TRADD: variants seen among roughly 807,000 people sequenced by gnomAD.
TRADD encodes the protein tumor necrosis factor receptor type 1-associated DEATH domain protein.
TRADD carries 14 observed loss-of-function variants against 31.5 expected under a neutral mutation model. The ratio of observed to expected loss-of-function variants is 0.44; its 90% confidence interval spans 0.29 to 0.69. The LOEUF is 0.69. Among genes scored for constraint, TRADD ranks in the 30% least tolerant of loss-of-function variants. The pLI is 0.11. For missense variants in TRADD, 388 were observed against 435.7 expected (o/e 0.89, Z 0.97); for synonymous variants, 220 against 215.8 (o/e 1.02, Z -0.17).
Position 67,155,410 on chromosome 16 carries a change from C to G in TRADD, c.396G>C (p.Glu132Asp). 6.3e-7 allele frequency: 1 copy of G among 1,598,262 alleles called. No individual in the cohort carries two copies. The highest frequency in any genetic ancestry group is 8.5e-7 in the Non-Finnish European group (1 of 1,179,574). Residue 132 changes from glutamate (E) to aspartate (D), a missense_variant, in exon 3 of 5, where the codon GAG becomes GAC. Transcript: ENST00000345057. ...AERLDALLAD[E>D]ERCLSCILAQ... is the part of the protein sequence containing the mutation. ...CTAGGATGCAACTCAAACAGCGCTCCTCGTCCGCCAGCAAAGCGTCCAGCC... is the reference window on the plus strand; with the variant it reads ...CTAGGATGCAACTCAAACAGCGCTCGTCGTCCGCCAGCAAAGCGTCCAGCC...
Position 67,155,133 on chromosome 16 carries a change from T to TGGCGGCGGC in TRADD, c.582_590dup (p.Pro196_Pro198dup). 1 of 1,544,872 alleles carries TGGCGGCGGC rather than the reference T, an allele frequency of 6.5e-7. No individual in the cohort carries two copies. The highest frequency in any genetic ancestry group is 8.7e-7 in the Non-Finnish European group (1 of 1,148,494). On this transcript the variant is annotated inframe_insertion, in exon 4 of 5. Transcript: ENST00000345057. Reference sequence around the variant, plus strand: ...CCTGGAACAGAAAAGTCTGGGCAGGTGGCGGCGGCGGCGGCGGCTTCACCT... The same window carrying TGGCGGCGGC: ...CCTGGAACAGAAAAGTCTGGGCAGGTGGCGGCGGCGGCGGCGGCGGCGGCGGCTTCACCT...
chr16:67,158,128 G>A lies in TRADD; in HGVS notation c.-8-1460C>T, dbSNP rs1419877596. Among the ~76,000 whole-genome samples, 10 of 152,192 alleles carry A rather than the reference G, an allele frequency of 6.6e-5. No homozygotes were observed. The East Asian group carries it at 1.2e-3, about 18-fold the overall frequency. On this transcript the variant is annotated intron_variant, in intron 1 of 4. Coordinates refer to ENST00000345057, the MANE Select transcript of TRADD (RefSeq NM_003789.4). ...CTGCCCTGGCCTCCCAAAGTGCTGCGATTACAGGAGTAAGGCACTACTCTC... is the reference window on the plus strand; with the variant it reads ...CTGCCCTGGCCTCCCAAAGTGCTGCAATTACAGGAGTAAGGCACTACTCTC...
rs779360488 is a variant in TRADD at position 67,154,614 on chromosome 16, A to G, written c.*35T>C. The G allele has an allele frequency of 1.2e-6, 2 of 1,604,222 alleles. No individual in the cohort carries two copies. Among genetic ancestry groups the G allele is most frequent in the Admixed American group, 3.4e-5 (2 of 59,058 alleles). ...TAGCCGCAGAAGGAACCCTAAGGCC[A>G]TCCAGGTTCTCCAAAAGCTGGCTGC... On this transcript the variant is annotated 3_prime_UTR_variant, in exon 5 of 5. Coordinates refer to ENST00000345057, the MANE Select transcript of TRADD (RefSeq NM_003789.4). This position sits in a 1 kb window ranked among gnomAD's most constrained non-coding sequence, Gnocchi z 5.2.
rs935626544 is a variant in TRADD at position 67,159,693 on chromosome 16, T to C, written c.-9+145A>G. On this transcript the variant is annotated intron_variant, in intron 1 of 4. Coordinates refer to ENST00000345057, the MANE Select transcript of TRADD (RefSeq NM_003789.4). This position sits in a 1 kb window ranked among gnomAD's most constrained non-coding sequence, Gnocchi z 6.8. ...CCGTACCGTCCCCCGCCTCCCACGG[T>C]GTTCGAACAGCTCAGTAGACCGCCG... 1.3e-5 allele frequency: 2 copies of C among 152,208 alleles called. No homozygotes were observed. Among genetic ancestry groups the C allele is most frequent in the Admixed American group, 1.3e-4 (2 of 15,286 alleles). 9.4% of individuals were successfully genotyped at this position (152,208 alleles called of 1,614,324 possible).
chr16:67,155,178 G>A lies in TRADD; in HGVS notation c.546C>T (p.Pro182=). The A allele has an allele frequency of 1.3e-6, 2 of 1,565,114 alleles. No individual in the cohort carries two copies. Among genetic ancestry groups the A allele is most frequent in the Non-Finnish European group, 1.7e-6 (2 of 1,157,934 alleles). ...TCACCTCCGACAGAGAGGGCACCGG[G>A]GGCTGCAAGGGGGCCGAAGCGACCT... ...DGEVASAPLQ[P]PVPSLSEVKP... The change falls in exon 4 of 5, where the codon CCC becomes CCT. Residue 182 remains proline (P), a synonymous_variant. Coordinates refer to ENST00000345057, the MANE Select transcript of TRADD (RefSeq NM_003789.4).
Position 67,154,527 on chromosome 16 carries a change from C to A in TRADD, c.*122G>T, listed in dbSNP as rs2030579055. On this transcript the variant is annotated 3_prime_UTR_variant, in exon 5 of 5. Coordinates refer to ENST00000345057, the MANE Select transcript of TRADD (RefSeq NM_003789.4). The surrounding 1 kb of genome is among the most constrained non-coding windows in gnomAD (Gnocchi z 5.2). ...GGGAAGGCAATCAACTCTGCCCCAG[C>A]AGGTCCAGCAGATAGGCCAAGTGGA... The A allele has an allele frequency of 4.0e-6, 5 of 1,238,360 alleles. No individual in the cohort carries two copies. In the South Asian group the frequency reaches 5.3e-5, roughly 13 times the overall value. The allele number at this position is 1,238,360 out of a possible 1,614,324, so 76.7% of individuals were successfully genotyped here.
At chr16:67,155,828 C>A in intron 2 of TRADD, 174 bp from the exon 3 acceptor site, 1 of 1,475,068 alleles carries the variant, frequency 6.8e-7, no homozygotes, top group Non-Finnish European at 9.0e-7. Flanking sequence ...CAGCAATAAC[C>A]CAGAAAGAAG....
chr16:67,157,657 C>T, intron 1 of TRADD, among the ~76,000 whole-genome samples: 1 of 152,142 alleles, frequency 6.6e-6, no homozygotes. Context: ...GTTATAAAGC[C>T]CTTGGAGTTC....
intron 2 of TRADD, chr16:67,155,871 AGAGTGGGTGCCACCTAAC>A (rs2030673886): frequency 5.3e-6 from 8 of 1,517,968 alleles, no homozygotes; most frequent in Non-Finnish European, 7.0e-6. Flanking sequence ...ACCCTAAGAC[AGAGTGGGTGCCACCTAAC>A]CCCCGCTCTC....
chr16:67,157,362 T>A (rs1394423133), intron 1 of TRADD, among the ~76,000 whole-genome samples: 1 of 152,060 alleles, frequency 6.6e-6, no homozygotes, highest in Non-Finnish European at 1.5e-5. Context: ...CAGGGCGGGG[T>A]ATAGGACTTA....
At chr16:67,155,969 A>C (rs1411214242) in intron 2 of TRADD, 2 of 1,444,510 alleles carry the variant, frequency 1.4e-6, no homozygotes, top group Non-Finnish European at 1.8e-6. Flanking sequence ...TGCCCTGGGC[A>C]AACAAGCCGT....
Position 67,154,427 on chromosome 16 carries a change from C to G in TRADD, c.*222G>C. ...GGTGAGGCTGATCTCCAAAGCAGGT[C>G]CCCCCCACCCCACACTCTATCAAAG... On this transcript the variant is annotated 3_prime_UTR_variant, in exon 5 of 5. Coordinates refer to ENST00000345057, the MANE Select transcript of TRADD (RefSeq NM_003789.4). The surrounding 1 kb of genome is among the most constrained non-coding windows in gnomAD (Gnocchi z 5.2). The G allele has an allele frequency of 1.6e-6, 1 of 610,902 alleles. No homozygotes were observed. Among genetic ancestry groups the G allele is most frequent in the South Asian group, 2.0e-5 (1 of 50,708 alleles). 37.8% of individuals were successfully genotyped at this position (610,902 alleles called of 1,614,324 possible). A position where few individuals can be genotyped will look rare whatever the true frequency, so the allele number is the denominator to read the frequency against.
chr16:67,158,921 A>G (rs2030797604), intron 1 of TRADD, among the ~76,000 whole-genome samples: 1 of 151,856 alleles, frequency 6.6e-6, no homozygotes, highest in Non-Finnish European at 1.5e-5. Context: ...AAGGGGTGGA[A>G]GTGGGGACCG....
At position 67,155,091 on chromosome 16, in the gene TRADD, C is replaced by A. The variant is rs1332999277; in HGVS notation, c.628+5G>T. 6.5e-7 allele frequency: 1 copy of A among 1,544,702 alleles called. No homozygotes were observed. The highest frequency in any genetic ancestry group is 1.2e-5 in the South Asian group (1 of 84,316). On this transcript the variant is annotated splice_donor_5th_base_variant and intron_variant, in intron 4 of 4. Transcript: ENST00000345057. ...GGTGACCCCGCCTCTCCACCTGCGC[C>A]TCACCTACAGGCTGACCCTGGAACA...
At position 67,154,661 on chromosome 16, in the gene TRADD, G is replaced by T. The variant is rs772771985; in HGVS notation, c.927C>A (p.Gly309=). ...EDLLGLTDPN[G]GLA is the part of the protein sequence containing the mutation. ...CTGCACCCCTGGTCTAGGCCAGGCC[G>T]CCATTGGGATCGGTCAGGCCCAGCA... is the stretch of plus-strand genomic sequence containing the variant. The change falls in exon 5 of 5, where the codon GGC becomes GGA. Residue 309 remains glycine (G), a synonymous_variant. Coordinates refer to ENST00000345057, the MANE Select transcript of TRADD (RefSeq NM_003789.4). This position sits in a 1 kb window ranked among gnomAD's most constrained non-coding sequence, Gnocchi z 5.2. 5.0e-6 allele frequency: 8 copies of T among 1,612,590 alleles called. No homozygotes were observed. Among genetic ancestry groups the T allele is most frequent in the Non-Finnish European group, 6.8e-6 (8 of 1,179,872 alleles).
rs13312728 is a variant in TRADD at position 67,154,286 on chromosome 16, T to A, written c.*363A>T. The A allele has an allele frequency of 0.028, 10,590 of 378,626 alleles. 667 individuals carry two copies. Among genetic ancestry groups the A allele is most frequent in the African/African-American group, 0.15 (7,410 of 48,806 alleles). The allele number at this position is 378,626 out of a possible 1,614,324, so 23.5% of individuals were successfully genotyped here. A position where few individuals can be genotyped will look rare whatever the true frequency, so the allele number is the denominator to read the frequency against. On this transcript the variant is annotated 3_prime_UTR_variant, in exon 5 of 5. Transcript: ENST00000345057. The surrounding 1 kb of genome is among the most constrained non-coding windows in gnomAD (Gnocchi z 5.2). ...GGGCAGGCAAGATTGATTCCTGTTT[T>A]ACTTCACTGCAGTATCTGCAGCACC...
Position 67,154,696 on chromosome 16 carries a change from C to A in TRADD, c.892G>T (p.Ala298Ser). The part of the protein sequence containing the change: ...ALEENELTSL[A>S]EDLLGLTDPN... ...TCGGTCAGGCCCAGCAAGTCCTCTGCCAGGCTGGTGAGCTCGTTCTCCTCG... is the reference window on the plus strand; with the variant it reads ...TCGGTCAGGCCCAGCAAGTCCTCTGACAGGCTGGTGAGCTCGTTCTCCTCG... The change falls in exon 5 of 5, where the codon GCA becomes TCA. Residue 298 changes from alanine (A) to serine (S), a missense_variant. Physicochemically the swap from Ala to Ser is moderately conservative, Grantham distance 99. Transcript: ENST00000345057. This position sits in a 1 kb window ranked among gnomAD's most constrained non-coding sequence, Gnocchi z 5.2. 1 of 1,612,872 alleles carries A rather than the reference C, an allele frequency of 6.2e-7. No homozygotes were observed. Among genetic ancestry groups the A allele is most frequent in the Non-Finnish European group, 8.5e-7 (1 of 1,179,906 alleles).
chr16:67,156,589 G>C lies in TRADD; in HGVS notation c.72C>G (p.Asp24Glu), dbSNP rs2030706935. Residue 24 changes from aspartate to glutamate, a missense_variant, in exon 2 of 5, where the codon GAC (aspartate) becomes GAG (glutamate). Asp to Glu is a conservative substitution (Grantham distance 45). Transcript: ENST00000345057. The surrounding 1 kb of genome is among the most constrained non-coding windows in gnomAD (Gnocchi z 4.6). ...CGTAGGCATCCGACAGGACCACCTT[G>C]TCCAGCGAGGACTCCACAAACAGGT... ...SAYLFVESSLDKVVLSDAYAH... is the reference protein window; with the variant it reads ...SAYLFVESSLEKVVLSDAYAH... 1 of 1,614,092 alleles carries C rather than the reference G, an allele frequency of 6.2e-7. No homozygotes were observed. The highest frequency in any genetic ancestry group is 8.5e-7 in the Non-Finnish European group (1 of 1,180,032).
In TRADD at chr16:67,154,186, T is replaced by G. The variant is rs1044835029; in HGVS notation, c.*463A>C. Reference sequence around the variant, plus strand: ...AGGTGTAAGCCACTACTACTTGTATTTCTCACATCAAAATCCGTGTTATAC... The same window carrying G: ...AGGTGTAAGCCACTACTACTTGTATGTCTCACATCAAAATCCGTGTTATAC... On this transcript the variant is annotated 3_prime_UTR_variant, in exon 5 of 5. Transcript: ENST00000345057. The surrounding 1 kb of genome is among the most constrained non-coding windows in gnomAD (Gnocchi z 5.2). The G allele has an allele frequency of 9.7e-6, 2 of 206,770 alleles. No homozygotes were observed. The highest frequency in any genetic ancestry group is 5.4e-5 in the Admixed American group (1 of 18,650). 12.8% of individuals were successfully genotyped at this position (206,770 alleles called of 1,614,324 possible).
Sources: allele counts gnomAD v4.1 joint callset (sites outside exome capture counted in the v4.1 genomes callset), GRCh38; gene constraint gnomAD v4.1.1; non-coding constraint Gnocchi (gnomAD v3.1); transcripts MANE v1.5; gene names NCBI Gene and HGNC (gene_info 2026-07-23, HGNC 2026-07-21).